FLNB: variants seen among roughly 807,000 people sequenced by gnomAD.
The protein encoded by FLNB is filamin-B.
Under a neutral mutation model 250.6 loss-of-function variants are expected in FLNB, and 111 were observed. The observed-to-expected ratio is 0.44, with a 90% CI of 0.38 to 0.52. The LOEUF is 0.52. FLNB is among the 20% of genes least tolerant of loss of function. The pLI, the probability that FLNB is intolerant of heterozygous loss-of-function variation, is 0.00. For synonymous variants in FLNB, 1,302 were observed against 1,372.1 expected (o/e 0.95, Z 1.13); for missense variants, 2,869 against 3,447.8 (o/e 0.83, Z 4.20).
chr3:58,096,344 A>G, intron 6 of FLNB, 126 bp downstream of exon 6: 1 of 743,230 alleles, frequency 1.3e-6, no homozygotes, highest in Non-Finnish European at 2.4e-6. Flanking sequence ...AGAAGGATCT[A>G]TGCTCATGAT....
intron 26 of FLNB, among the ~76,000 whole-genome samples, chr3:58,134,143 G>T (rs557350705): frequency 6.6e-6 from 1 of 152,196 alleles, no homozygotes; most frequent in Non-Finnish European, 1.5e-5. Flanking sequence ...TGGGCCGCAC[G>T]GTGGTGGGTG....
chr3:58,146,152 A>G (rs2107262925), intron 33 of FLNB, 103 bp downstream of exon 33: 1 of 1,262,434 alleles, frequency 7.9e-7, no homozygotes, highest in Non-Finnish European at 1.1e-6. Flanking sequence ...ATCGAATGGT[A>G]GTATTTGTCT....
intron 32 of FLNB, 66 bp from the exon 33 acceptor site, chr3:58,145,855 G>C: frequency 6.2e-7 from 1 of 1,609,588 alleles, no homozygotes; most frequent in Non-Finnish European, 8.5e-7. Flanking sequence ...CAAGATGCCA[G>C]TTGTCCAGGG....
At chr3:58,069,147 A>G (rs2097190378) in intron 1 of FLNB, among the ~76,000 whole-genome samples, 2 of 151,496 alleles carry the variant, frequency 1.3e-5, no homozygotes, top group South Asian at 2.1e-4. Flanking sequence ...TTTAAAAAAA[A>G]AAAAAAAGGA....
chr3:58,038,971 A>T lies in FLNB; in HGVS notation c.292+30115A>T, dbSNP rs146999955. 5.2e-3 allele frequency among the ~76,000 whole-genome samples: 793 copies of T among 151,798 alleles called. 6 individuals carry two copies. The highest frequency in any genetic ancestry group is 0.018 in the African/African-American group (751 of 41,400). On this transcript the variant is annotated intron_variant, in intron 1 of 45. Transcript: ENST00000295956. The stretch of plus-strand genomic sequence containing the variant: ...GCTGGGCATGGTGGCTCATGCCTGT[A>T]ATCGCAGCACTTTGGGAGGCTAAGG...
Position 58,108,511 on chromosome 3 carries a change from G to C in FLNB, c.1995G>C (p.Leu665=). The stretch of plus-strand genomic sequence containing the variant: ...AATCTGGATGCATTGTCAACAACCT[G>C]GCCGAGTTCACTGTGGATCCTAAGG... ...LEKSGCIVNN[L]AEFTVDPKDA... The change falls in exon 13 of 46, where the codon CTG becomes CTC. Residue 665 remains leucine, a synonymous_variant. Coordinates refer to ENST00000295956, the MANE Select transcript of FLNB (RefSeq NM_001457.4). 6.2e-7 allele frequency: 1 copy of C among 1,614,152 alleles called. No individual in the cohort carries two copies. Among genetic ancestry groups the C allele is most frequent in the African/African-American group, 1.3e-5 (1 of 75,052 alleles).
At position 58,096,237 on chromosome 3, in the gene FLNB, G is replaced by A. The variant is rs1234003639; in HGVS notation, c.984+19G>A. The A allele has an allele frequency of 6.3e-7, 1 of 1,589,836 alleles. No individual in the cohort carries two copies. Among genetic ancestry groups the A allele is most frequent in the Non-Finnish European group, 8.6e-7 (1 of 1,158,286 alleles). Reference sequence around the variant, plus strand: ...ACACAAAGTAAGATGAAGCAGCATGGCTGTGGCTTGGGCTGCTCTGGGGCT... The same window carrying A: ...ACACAAAGTAAGATGAAGCAGCATGACTGTGGCTTGGGCTGCTCTGGGGCT... On this transcript the variant is annotated intron_variant, in intron 6 of 45. Transcript: ENST00000295956.
At chr3:58,112,077 C>A in intron 17 of FLNB, 72 bp from the exon 18 acceptor site, 1 of 1,459,694 alleles carries the variant, frequency 6.9e-7, no homozygotes, top group Non-Finnish European at 9.6e-7. Flanking sequence ...GCTGTTGAAC[C>A]TGTCTGACGG....
chr3:58,092,942 A>G (rs549285861), intron 4 of FLNB, among the ~76,000 whole-genome samples: 1 of 152,266 alleles, frequency 6.6e-6, no homozygotes, highest in South Asian at 2.1e-4. Context: ...ATTCCCTTCA[A>G]TTCTGACACT....
At chr3:58,162,658 T>G in intron 42 of FLNB, 1 of 167,224 alleles carries the variant, frequency 6.0e-6, no homozygotes, top group Admixed American at 5.7e-5. Context: ...CAAACTGAAC[T>G]CCCCAATGGG....
intron 43 of FLNB, 95 bp from the exon 44 acceptor site, chr3:58,168,345 T>C: frequency 1.1e-6 from 1 of 935,202 alleles, no homozygotes; most frequent in Non-Finnish European, 1.7e-6. Context: ...GAGCCCTCTG[T>C]AAGGGGATCT....
At chr3:58,149,666 G>C (rs2097341545) in intron 36 of FLNB, 184 bp from the exon 37 acceptor site, 2 of 665,438 alleles carry the variant, frequency 3.0e-6, no homozygotes, top group East Asian at 2.7e-5. Context: ...TTTCACTATG[G>C]GGCTTCTCAG....
chr3:58,157,693 C>T (rs983827743), intron 41 of FLNB, among the ~76,000 whole-genome samples: 3 of 152,200 alleles, frequency 2.0e-5, no homozygotes, highest in Non-Finnish European at 2.9e-5. Flanking sequence ...TCATGCATCT[C>T]GAAGATTTCT....
chr3:58,159,474 AC>A (rs2107307391), intron 41 of FLNB, 79 bp from the exon 42 acceptor site: 1 of 1,429,184 alleles, frequency 7.0e-7, no homozygotes, highest in African/African-American at 1.4e-5. Flanking sequence ...ACTGTCACCC[AC>A]AGTTTTGGGT....
At chr3:58,058,923 G>C (rs1366541552) in intron 1 of FLNB, among the ~76,000 whole-genome samples, 2 of 152,210 alleles carry the variant, frequency 1.3e-5, no homozygotes, top group African/African-American at 4.8e-5. Flanking sequence ...GCAGTTTAAA[G>C]TGGACTTACC....
intron 1 of FLNB, among the ~76,000 whole-genome samples, chr3:58,014,472 GCAAC>G (rs2106683300): frequency 6.6e-6 from 1 of 152,376 alleles, no homozygotes; most frequent in African/African-American, 2.4e-5. Flanking sequence ...AGTTCTCCCA[GCAAC>G]GGCGGAGCCA....
At chr3:58,129,798 C>T (rs1184735839) in intron 24 of FLNB, among the ~76,000 whole-genome samples, 3 of 152,228 alleles carry the variant, frequency 2.0e-5, no homozygotes, top group Admixed American at 6.5e-5. Context: ...CAGAGGTGCA[C>T]GTAGCCCCTT....
intron 4 of FLNB, among the ~76,000 whole-genome samples, chr3:58,084,438 G>A (rs546441191): frequency 6.6e-6 from 1 of 152,196 alleles, no homozygotes; most frequent in African/African-American, 2.4e-5. Flanking sequence ...TCCTTTCACG[G>A]TGCTATTTTC....
At position 58,093,633 on chromosome 3, in the gene FLNB, TCA is replaced by T. The variant is rs3060336; in HGVS notation, c.788-1177_788-1176del. Among the ~76,000 whole-genome samples, 473 of 149,424 alleles carry T rather than the reference TCA, an allele frequency of 3.2e-3. 1 individual carries two copies. The highest frequency in any genetic ancestry group is 3.8e-3 in the Non-Finnish European group (252 of 67,062). On this transcript the variant is annotated intron_variant, in intron 4 of 45. Transcript: ENST00000295956. ...ATTTCTTACTATTTTATACTTATGT[TCA>T]CACACACACACACACACACACACAC...
Sources: gnomAD v4.1 joint callset for allele counts (sites outside exome capture counted in the v4.1 genomes callset) on GRCh38, gnomAD v4.1.1 for gene constraint, MANE v1.5 for transcripts, NCBI Gene and HGNC (gene_info 2026-07-23, HGNC 2026-07-21) for gene names.